Variants in ARHGAP39 observed in about 807,000 individuals in gnomAD.
ARHGAP39 encodes the protein Rho GTPase activating protein 39.
A neutral mutation model predicts 106.9 loss-of-function variants in ARHGAP39; 44 were observed. The ratio of observed to expected loss-of-function variants is 0.41; its 90% CI spans 0.32 to 0.53. ARHGAP39 has a LOEUF of 0.53. Ranked by LOEUF, ARHGAP39 falls within the 20% of genes least tolerant of loss-of-function variation. ARHGAP39 has a pLI of 0.21. For synonymous variants in ARHGAP39, 768 were observed against 693.2 expected (o/e 1.11, Z -1.69); for missense variants, 1,496 against 1,577.3 (o/e 0.95, Z 0.87).
At chr8:144,550,424 A>AC (rs1284060683) in intron 4 of ARHGAP39, among the ~76,000 whole-genome samples, 1 of 152,230 alleles carries the variant, frequency 6.6e-6, no homozygotes, top group Non-Finnish European at 1.5e-5. Flanking sequence ...ACACAGTGAG[A>AC]CCCCATCTCT....
At chr8:144,627,665 G>C (rs181063313) in intron 1 of ARHGAP39, among the ~76,000 whole-genome samples, 109 of 152,288 alleles carry the variant, frequency 7.2e-4, no homozygotes, top group African/African-American at 2.6e-3. Context: ...GGCTGAGGTG[G>C]GAGGATCACT....
upstream of ARHGAP39, among the ~76,000 whole-genome samples, chr8:144,687,949 ATTTACAGTGAGCACTT>A: frequency 7.5e-6 from 1 of 133,628 alleles, no homozygotes; most frequent in Admixed American, 7.3e-5. Context: ...GTGACCACAC[ATTTACAGTGAGCACTT>A]CCCAACCCCG....
Position 144,646,481 on chromosome 8 carries a change from A to G in ARHGAP39, c.-82+39205T>C, listed in dbSNP as rs897553968. ...AATCACCAAAAAAAGTGTGGAGAAA[A>G]TAGAAAGAAATGAGGAATAGCAGGG... On this transcript the variant is annotated intron_variant, in intron 1 of 11. Transcript: ENST00000377307. This position sits in a 1 kb window ranked among gnomAD's most constrained non-coding sequence, Gnocchi z 5.7. Among the ~76,000 whole-genome samples the G allele has an allele frequency of 1.8e-4, 28 of 152,308 alleles. No individual in the cohort carries two copies. Among genetic ancestry groups the G allele is most frequent in the Non-Finnish European group, 2.8e-4 (19 of 68,028 alleles).
In ARHGAP39 at chr8:144,555,656, A is replaced by G. The variant is rs761722022; in HGVS notation, c.513-13T>C. ...TGGTGGTGAAGAGCTGAAACACAGT[A>G]AAATGAAAGAAATATGAATATAAGT... On this transcript the variant is annotated splice_polypyrimidine_tract_variant and intron_variant, in intron 3 of 11. Coordinates refer to ENST00000377307, the MANE Select transcript of ARHGAP39 (RefSeq NM_025251.3). 1.2e-6 allele frequency: 2 copies of G among 1,606,700 alleles called. No homozygotes were observed. The highest frequency in any genetic ancestry group is 2.2e-5 in the South Asian group (2 of 90,958).
rs759315006 is a variant in ARHGAP39, at chr8:144,581,193, C to T, written c.165G>A (p.Pro55=). The T allele has an allele frequency of 8.3e-6, 13 of 1,559,162 alleles. No homozygotes were observed. The East Asian group carries it at 3.1e-4, about 37-fold the overall frequency. The change falls in exon 3 of 12, where the codon CCG becomes CCA. Residue 55 remains proline (P), a synonymous_variant. Transcript: ENST00000377307. The part of the protein sequence containing the change: ...NLVTGECVWD[P]PAGVRIKRTS... Reference sequence around the variant, plus strand: ...TGCGCTTGATGCGGACGCCGGCCGGCGGGTCCCACACGCACTCACCGGTGA... The same window carrying T: ...TGCGCTTGATGCGGACGCCGGCCGGTGGGTCCCACACGCACTCACCGGTGA...
chr8:144,557,447 T>A (rs887794600), intron 3 of ARHGAP39, among the ~76,000 whole-genome samples: 3 of 150,696 alleles, frequency 2.0e-5, no homozygotes, highest in Non-Finnish European at 2.9e-5. Context: ...TTCGTAGTAT[T>A]CAGAGGCAAA....
rs1325536910 is a variant in ARHGAP39 at position 144,591,118 on chromosome 8, C to T, written c.81-9841G>A. 2.0e-5 allele frequency among the ~76,000 whole-genome samples: 3 copies of T among 152,258 alleles called. No homozygotes were observed. The highest frequency in any genetic ancestry group is 1.3e-4 in the Admixed American group (2 of 15,302). ...CTTTGCTTCCATGACCTCCTGGAGC[C>T]GGGTGGCTGCGCAGGCCTGGGGTGC... On this transcript the variant is annotated intron_variant, in intron 2 of 11. Transcript: ENST00000377307. This position sits in a 1 kb window ranked among gnomAD's most constrained non-coding sequence, Gnocchi z 5.3.
Position 144,545,907 on chromosome 8 carries a change from C to T in ARHGAP39, c.1960-97G>A, listed in dbSNP as rs1221615489. 1.9e-5 allele frequency: 21 copies of T among 1,082,286 alleles called. No homozygotes were observed. The East Asian group carries it at 3.1e-4, about 16-fold the overall frequency. The allele number at this position is 1,082,286 out of a possible 1,614,324, so 67.0% of individuals were successfully genotyped here. On this transcript the variant is annotated intron_variant, in intron 5 of 11. Coordinates refer to ENST00000377307, the MANE Select transcript of ARHGAP39 (RefSeq NM_025251.3). ...GTCCCCAGAAGTGTGAGCTGGGGCC[C>T]CACCAGAGCCAGCCAGGTGAGAGCC...
intron 1 of ARHGAP39, among the ~76,000 whole-genome samples, chr8:144,655,550 C>G (rs1821673262): frequency 6.6e-6 from 1 of 152,074 alleles, no homozygotes; most frequent in Non-Finnish European, 1.5e-5. Context: ...TCAGGATGAC[C>G]TGCCAGCAGA....
At chr8:144,598,711 T>C (rs1401910314) in intron 2 of ARHGAP39, among the ~76,000 whole-genome samples, 1 of 152,210 alleles carries the variant, frequency 6.6e-6, no homozygotes, top group African/African-American at 2.4e-5. Context: ...AGGTGCCACG[T>C]GCTCTTTCTC....
chr8:144,567,257 A>T (rs1818429122), intron 3 of ARHGAP39, among the ~76,000 whole-genome samples: 1 of 152,184 alleles, frequency 6.6e-6, no homozygotes, highest in Non-Finnish European at 1.5e-5. Context: ...TACAATCATA[A>T]CCTAGGAAAA....
intron 1 of ARHGAP39, among the ~76,000 whole-genome samples, chr8:144,669,908 A>T (rs1446147369): frequency 6.6e-5 from 10 of 152,248 alleles, no homozygotes; most frequent in Non-Finnish European, 1.3e-4. Flanking sequence ...AACCTTATGT[A>T]TCGCTGTGGA....
At chr8:144,690,564 G>A (rs143925211), upstream of ARHGAP39, among the ~76,000 whole-genome samples, 146 of 151,992 alleles carry the variant, frequency 9.6e-4, no homozygotes, top group African/African-American at 3.1e-3. Flanking sequence ...AATGATTAGC[G>A]ATGTTGAACA....
At chr8:144,683,459 G>C (rs1393855105) in intron 1 of ARHGAP39, 1 of 148,348 alleles carries the variant, frequency 6.7e-6, no homozygotes, top group Non-Finnish European at 1.5e-5. Context: ...GCGATTCTCT[G>C]TCTCAGCCTC....
chr8:144,609,951 ATGTAGTTTCTT>A (rs991943176), intron 1 of ARHGAP39, among the ~76,000 whole-genome samples: 12 of 152,198 alleles, frequency 7.9e-5, no homozygotes, highest in African/African-American at 2.9e-4. Flanking sequence ...CCAGATGGGC[ATGTAGTTTCTT>A]TGTGGGAAGG....
At chr8:144,580,758 G>GGGGGGGGGGGGCCCCCC in intron 3 of ARHGAP39, 88 bp downstream of exon 3, 1 of 185,576 alleles carries the variant, frequency 5.4e-6, no homozygotes, top group African/African-American at 2.7e-5. Context: ...CTCTCACCTG[G>GGGGGGGGGGGGCCCCCC]CCCCGCCCAC....
intron 2 of ARHGAP39, among the ~76,000 whole-genome samples, chr8:144,590,798 C>T (rs569781289): frequency 1.3e-5 from 2 of 152,262 alleles, no homozygotes; most frequent in South Asian, 4.1e-4. Context: ...GGGAACAGAG[C>T]CAGCATGGAG....
intron 1 of ARHGAP39, among the ~76,000 whole-genome samples, chr8:144,629,490 C>A (rs1821009172): frequency 6.6e-6 from 1 of 152,246 alleles, no homozygotes; most frequent in Non-Finnish European, 1.5e-5. Context: ...AGGAGTGGGG[C>A]TGGGGACAGC....
intron 6 of ARHGAP39, among the ~76,000 whole-genome samples, chr8:144,539,414 G>A (rs1817101855): frequency 6.6e-6 from 1 of 152,156 alleles, no homozygotes; most frequent in Non-Finnish European, 1.5e-5. Flanking sequence ...TTTTGACGAA[G>A]TCCAATTTAT....
Sources: allele counts gnomAD v4.1 joint callset (sites outside exome capture counted in the v4.1 genomes callset), GRCh38; gene constraint gnomAD v4.1.1; non-coding constraint Gnocchi (gnomAD v3.1); transcripts MANE v1.5; gene names NCBI Gene and HGNC (gene_info 2026-07-23, HGNC 2026-07-21).